The following GALNT10 variants were observed in gnomAD, a reference collection of about 807,000 sequenced individuals.
GALNT10 encodes the protein GalNAc transferase 10.
Under a neutral mutation model 75.0 loss-of-function variants are expected in GALNT10, and 41 were observed. The ratio of observed to expected loss-of-function variants is 0.55; its 90% CI spans 0.43 to 0.71. The LOEUF (loss-of-function observed/expected upper bound fraction) is 0.71, where lower values mean the gene tolerates loss of function less well. Among genes scored for constraint, GALNT10 ranks in the 30% least tolerant of loss-of-function variants. GALNT10 has a pLI of 0.00. For missense variants in GALNT10, 727 were observed against 818.5 expected (o/e 0.89, Z 1.36); for synonymous variants, 302 against 313.0 (o/e 0.96, Z 0.37).
At chr5:154,388,940 G>A (rs1755850266) in intron 7 of GALNT10, 1 of 150,298 alleles carries the variant, frequency 6.7e-6, no homozygotes, top group Non-Finnish European at 1.5e-5. Context: ...AGTGGGGAGG[G>A]AGAGAGGGAG....
chr5:154,247,778 T>C (rs1161547807), intron 1 of GALNT10, among the ~76,000 whole-genome samples: 1 of 152,224 alleles, frequency 6.6e-6, no homozygotes, highest in African/African-American at 2.4e-5. Flanking sequence ...TTTGACTTCC[T>C]CTTTTCCTAA....
At chr5:154,321,745 G>A (rs1754677967) in intron 3 of GALNT10, among the ~76,000 whole-genome samples, 1 of 152,076 alleles carries the variant, frequency 6.6e-6, no homozygotes, top group Non-Finnish European at 1.5e-5. Flanking sequence ...AACAGCTGAA[G>A]CTGCCCTGGT....
intron 1 of GALNT10, among the ~76,000 whole-genome samples, chr5:154,216,449 T>C (rs542140895): frequency 2.3e-3 from 350 of 152,276 alleles, no homozygotes; most frequent in South Asian, 4.8e-3. Flanking sequence ...TTTTTTAGCA[T>C]TGGGCAACTA....
rs1310456314 is a variant in GALNT10, at chr5:154,190,904, C to CGCTGGT, written c.44_49dup (p.Val15_Leu16dup). ...GAGAAGCGGCTCCTGCAGGCGGTGG[C>CGCTGGT]GCTGGTGCTGGCGGCCCTGGTCCTC... On this transcript the variant is annotated inframe_insertion, in exon 1 of 12. Transcript: ENST00000297107. The CGCTGGT allele has an allele frequency of 1.3e-5, 19 of 1,472,802 alleles. No homozygotes were observed. Among genetic ancestry groups the CGCTGGT allele is most frequent in the East Asian group, 5.6e-5 (2 of 36,018 alleles). The allele number at this position is 1,472,802 out of a possible 1,614,324, so 91.2% of individuals were successfully genotyped here. A position where few individuals can be genotyped will look rare whatever the true frequency, so the allele number is the denominator to read the frequency against.
At chr5:154,314,605 T>C (rs1328726460) in intron 3 of GALNT10, among the ~76,000 whole-genome samples, 4 of 151,972 alleles carry the variant, frequency 2.6e-5, no homozygotes, top group Non-Finnish European at 4.4e-5. Flanking sequence ...CCCAAAGAGA[T>C]GCTGGCGTCT....
chr5:154,283,047 A>T (rs1754060497), intron 1 of GALNT10, among the ~76,000 whole-genome samples: 1 of 152,158 alleles, frequency 6.6e-6, no homozygotes, highest in Non-Finnish European at 1.5e-5. Context: ...ATCTGCATTC[A>T]TAGCAGTTTG....
chr5:154,249,633 A>G (rs937851010), intron 1 of GALNT10, among the ~76,000 whole-genome samples: 2 of 152,010 alleles, frequency 1.3e-5, no homozygotes, highest in Admixed American at 1.3e-4. Flanking sequence ...CTATATACCA[A>G]CTGTGGTCAG....
Position 154,376,175 on chromosome 5 carries a change from G to T in GALNT10, c.569-102G>T, listed in dbSNP as rs923597019. 7.8e-6 allele frequency: 6 copies of T among 769,174 alleles called. No homozygotes were observed. Among genetic ancestry groups the T allele is most frequent in the Non-Finnish European group, 1.4e-5 (6 of 442,922 alleles). 47.6% of individuals were successfully genotyped at this position (769,174 alleles called of 1,614,324 possible). The stretch of plus-strand genomic sequence containing the variant: ...GTCTAGTGAGGCAGTGTACAGGAAA[G>T]CTGTGTCTAGACTGTGAAGTGCAGT... On this transcript the variant is annotated intron_variant, in intron 4 of 11. Transcript: ENST00000297107. This position sits in a 1 kb window ranked among gnomAD's most constrained non-coding sequence, Gnocchi z 4.1.
intron 1 of GALNT10, among the ~76,000 whole-genome samples, chr5:154,282,146 TGA>T (rs1255521553): frequency 6.6e-6 from 1 of 152,168 alleles, no homozygotes; most frequent in African/African-American, 2.4e-5. Context: ...ATCACATGGG[TGA>T]GAGAGATGGT....
chr5:154,318,892 A>G (rs944839150), intron 3 of GALNT10, among the ~76,000 whole-genome samples: 6 of 152,380 alleles, frequency 3.9e-5, no homozygotes, highest in Admixed American at 2.0e-4. Context: ...TTGAAACCTA[A>G]TCAGACCATA....
At chr5:154,355,015 T>G (rs1366727471) in intron 4 of GALNT10, among the ~76,000 whole-genome samples, 3 of 152,252 alleles carry the variant, frequency 2.0e-5, no homozygotes, top group Non-Finnish European at 4.4e-5. Flanking sequence ...TGGTACTGTT[T>G]GTGCATCGTA....
At chr5:154,381,996 C>T (rs1755741848) in intron 6 of GALNT10, among the ~76,000 whole-genome samples, 1 of 152,224 alleles carries the variant, frequency 6.6e-6, no homozygotes, top group East Asian at 1.9e-4. Flanking sequence ...GTAACATATT[C>T]ACAGGTTCCG....
chr5:154,417,104 T>C lies in GALNT10; in HGVS notation c.*132T>C. The stretch of plus-strand genomic sequence containing the variant: ...CCAAATGGTTCAGGGTGAAGAGGGC[T>C]CTTGATTCAGGGGCTGGGGTCTGCC... On this transcript the variant is annotated 3_prime_UTR_variant, in exon 12 of 12. Transcript: ENST00000297107. 3.9e-6 allele frequency: 3 copies of C among 766,386 alleles called. No homozygotes were observed. Among genetic ancestry groups the C allele is most frequent in the Non-Finnish European group, 6.4e-6 (3 of 467,702 alleles). The allele number at this position is 766,386 out of a possible 1,614,324, so 47.5% of individuals were successfully genotyped here.
chr5:154,270,811 T>C (rs1029295457), intron 1 of GALNT10, among the ~76,000 whole-genome samples: 9 of 151,976 alleles, frequency 5.9e-5, no homozygotes, highest in African/African-American at 2.2e-4. Context: ...CTGGCCAACA[T>C]GGCGAAAACC....
Position 154,386,313 on chromosome 5 carries a change from G to T in GALNT10, c.939G>T (p.Glu313Asp), listed in dbSNP as rs768084638. 3 of 1,611,052 alleles carry T rather than the reference G, an allele frequency of 1.9e-6. No individual in the cohort carries two copies. Among genetic ancestry groups the T allele is most frequent in the Non-Finnish European group, 2.5e-6 (3 of 1,177,414 alleles). Residue 313 changes from glutamate to aspartate, a missense_variant and splice_region_variant, in exon 7 of 12, where the codon GAG becomes GAT. Glu to Asp is a conservative substitution (Grantham distance 45). Coordinates refer to ENST00000297107, the MANE Select transcript of GALNT10 (RefSeq NM_198321.4). ...ACACCATGTTCTTCTTCTCTGACAG[G>T]TCTCCCGTGATGGCCGGTGGACTGT... Reference protein sequence around the residue: ...LQKADPSDPFESPVMAGGLFA... With the variant: ...LQKADPSDPFDSPVMAGGLFA...
intron 1 of GALNT10, among the ~76,000 whole-genome samples, chr5:154,208,963 G>A (rs1775152466): frequency 6.6e-6 from 1 of 152,172 alleles, no homozygotes; most frequent in Non-Finnish European, 1.5e-5. Flanking sequence ...GTGGTAGAGA[G>A]TCACTAGAGT....
At chr5:154,263,459 A>G (rs534483127) in intron 1 of GALNT10, among the ~76,000 whole-genome samples, 26 of 152,290 alleles carry the variant, frequency 1.7e-4, no homozygotes, top group African/African-American at 6.3e-4. Context: ...ATCCCTGGAG[A>G]TGGAAAGTAG....
rs944656644 is a variant in GALNT10 at position 154,352,821 on chromosome 5, C to A, written c.568+23083C>A. On this transcript the variant is annotated intron_variant, in intron 4 of 11. Coordinates refer to ENST00000297107, the MANE Select transcript of GALNT10 (RefSeq NM_198321.4). The surrounding 1 kb of genome is among the most constrained non-coding windows in gnomAD (Gnocchi z 4.4). ...CTTTTGGTTTAAGAAACCTTGACCA[C>A]CCCGCGGTCTTGCATCGGGACATGG... Among the ~76,000 whole-genome samples, 35 of 152,192 alleles carry A rather than the reference C, an allele frequency of 2.3e-4. No homozygotes were observed. Among genetic ancestry groups the A allele is most frequent in the African/African-American group, 7.7e-4 (32 of 41,438 alleles).
chr5:154,233,549 G>A (rs1753197708), intron 1 of GALNT10, among the ~76,000 whole-genome samples: 1 of 152,174 alleles, frequency 6.6e-6, no homozygotes, highest in Non-Finnish European at 1.5e-5. Flanking sequence ...GCACCAAGGG[G>A]TGGAGGCCTT....
Sources: allele counts gnomAD v4.1 joint callset (sites outside exome capture counted in the v4.1 genomes callset), GRCh38; gene constraint gnomAD v4.1.1; non-coding constraint Gnocchi (gnomAD v3.1); transcripts MANE v1.5; gene names NCBI Gene and HGNC (gene_info 2026-07-23, HGNC 2026-07-21).